SOX5: variants seen among roughly 807,000 people sequenced by gnomAD.
The protein encoded by SOX5 is transcription factor SOX-5.
In SOX5, 9 loss-of-function variants were observed where a neutral mutation model predicts 92.0. The observed-to-expected ratio is 0.10, with a 90% CI of 0.06 to 0.17. The LOEUF (loss-of-function observed/expected upper bound fraction) is 0.17, where lower values mean the gene tolerates loss of function less well. SOX5 is among the 10% of genes least tolerant of loss of function. The pLI, the probability that SOX5 is intolerant of heterozygous loss-of-function variation, is 1.00. For synonymous variants in SOX5, 344 were observed against 336.3 expected, an observed-to-expected ratio of 1.02 and a Z score of -0.25; for missense variants, 642 against 944.5, an observed-to-expected ratio of 0.68 and a Z score of 4.20.
At chr12:24,552,541 CTG>C (rs780891006) in intron 1 of SOX5, among the ~76,000 whole-genome samples, 19 of 152,336 alleles carry the variant, frequency 1.2e-4, no homozygotes, top group Non-Finnish European at 2.5e-4. Flanking sequence ...TTGAGAAACA[CTG>C]TTCTGTAATT....
At chr12:24,223,057 G>A (rs1003918124) in intron 3 of SOX5, among the ~76,000 whole-genome samples, 2 of 152,154 alleles carry the variant, frequency 1.3e-5, no homozygotes, top group Non-Finnish European at 1.5e-5. Context: ...TGGGTAATTC[G>A]AGGATTTCAA....
rs1265214097 is a variant in SOX5 at position 23,570,926 on chromosome 12, AAAAAATATATATATATATATATAT to A, written c.1342+4711_1342+4734del. ...ACTCCAACTCAAAAAAAAAAAAAAAAAAAAATATATATATATATATATATATATATATATATATATATATATATA... is the reference window on the plus strand; with the variant it reads ...ACTCCAACTCAAAAAAAAAAAAAAAAATATATATATATATATATATATATA... On this transcript the variant is annotated intron_variant, in intron 10 of 14. Transcript: ENST00000451604. 1.6e-3 allele frequency among the ~76,000 whole-genome samples: 66 copies of A among 41,544 alleles called. 7 individuals are homozygous for A. The highest frequency in any genetic ancestry group is 4.1e-3 in the South Asian group (4 of 980). 27.3% of individuals were successfully genotyped at this position (41,544 alleles called of 152,430 possible).
intron 6 of SOX5, among the ~76,000 whole-genome samples, chr12:23,715,292 C>CAAAAT (rs373690969): frequency 0.11 from 16,403 of 147,840 alleles, 1,144 homozygotes; most frequent in South Asian, 0.2. Flanking sequence ...GACTCCATCT[C>CAAAAT]AAAATAAAAT....
chr12:24,073,399 T>G (rs1483099460), intron 4 of SOX5, among the ~76,000 whole-genome samples: 1 of 152,184 alleles, frequency 6.6e-6, no homozygotes, highest in African/African-American at 2.4e-5. Context: ...CAATCTTGAC[T>G]CTAATCTTTA....
At chr12:23,776,777 C>A (rs138924222) in intron 3 of SOX5, among the ~76,000 whole-genome samples, 147 of 152,190 alleles carry the variant, frequency 9.7e-4, no homozygotes, top group African/African-American at 3.3e-3. Flanking sequence ...GAATCTAATG[C>A]TGCTGATGAT....
chr12:23,685,381 A>G (rs2087348471), intron 6 of SOX5, among the ~76,000 whole-genome samples: 1 of 151,108 alleles, frequency 6.6e-6, no homozygotes, highest in African/African-American at 2.5e-5. Flanking sequence ...AAACCAGAAA[A>G]GAGCTCAAAC....
At chr12:23,940,301 T>C (rs571224887) in intron 1 of SOX5, among the ~76,000 whole-genome samples, 1 of 151,358 alleles carries the variant, frequency 6.6e-6, no homozygotes, top group East Asian at 1.9e-4. Flanking sequence ...ATAAGAATTA[T>C]ACATGGTATT....
At chr12:24,370,439 C>G (rs1272237854) in intron 1 of SOX5, among the ~76,000 whole-genome samples, 1 of 140,960 alleles carries the variant, frequency 7.1e-6, no homozygotes, top group Non-Finnish European at 1.5e-5. Context: ...ACTGCGCCAC[C>G]GCACTCCAGC....
At position 23,660,487 on chromosome 12, in the gene SOX5, C is replaced by T. The variant is rs567924425; in HGVS notation, c.931+4957G>A. 3.3e-5 allele frequency among the ~76,000 whole-genome samples: 5 copies of T among 152,258 alleles called. No individual in the cohort carries two copies. The East Asian group carries it at 7.7e-4, about 24-fold the overall frequency. On this transcript the variant is annotated intron_variant, in intron 7 of 14. Transcript: ENST00000451604. ...CTCCTTCAAAGTACCTCTCTATTTG[C>T]AGTTGCCTATTTGAGATTGCATTAA...
chr12:24,209,540 TTAGG>T (rs1417902730), intron 4 of SOX5, among the ~76,000 whole-genome samples: 4 of 152,134 alleles, frequency 2.6e-5, no homozygotes, highest in Non-Finnish European at 5.9e-5. Flanking sequence ...CCTAGATAAC[TTAGG>T]TAGAGTTTTA....
At chr12:24,364,063 T>C (rs757521842) in intron 2 of SOX5, among the ~76,000 whole-genome samples, 33 of 152,158 alleles carry the variant, frequency 2.2e-4, no homozygotes, top group Admixed American at 5.9e-4. Flanking sequence ...TCTCTTTGAC[T>C]CCCAGTTAGA....
At chr12:24,423,810 C>T (rs146686974) in intron 1 of SOX5, among the ~76,000 whole-genome samples, 2 of 152,302 alleles carry the variant, frequency 1.3e-5, no homozygotes, top group African/African-American at 4.8e-5. Context: ...AATGGAATCA[C>T]TTCCGCAGTC....
chr12:24,049,946 CTT>C (rs1957400624), intron 4 of SOX5, among the ~76,000 whole-genome samples: 1 of 151,866 alleles, frequency 6.6e-6, no homozygotes, highest in Admixed American at 6.6e-5. Context: ...TCACAGGACT[CTT>C]GTTTTTCTAC....
At chr12:24,478,630 G>C (rs151161470) in intron 1 of SOX5, among the ~76,000 whole-genome samples, 1 of 152,264 alleles carries the variant, frequency 6.6e-6, no homozygotes, top group East Asian at 1.9e-4. Flanking sequence ...TGCTACAGTA[G>C]CATCCTTTTA....
chr12:23,574,030 T>C (rs1412418144), intron 10 of SOX5, among the ~76,000 whole-genome samples: 1 of 151,580 alleles, frequency 6.6e-6, no homozygotes, highest in Non-Finnish European at 1.5e-5. Flanking sequence ...CAGTTATCTA[T>C]CTATTAGTAT....
chr12:24,416,997 C>T (rs1291636860), intron 1 of SOX5, among the ~76,000 whole-genome samples: 1 of 152,180 alleles, frequency 6.6e-6, no homozygotes, highest in Non-Finnish European at 1.5e-5. Flanking sequence ...GGTGACTGCT[C>T]AGACCTTGGC....
At chr12:23,921,463 C>T (rs558729797) in intron 1 of SOX5, among the ~76,000 whole-genome samples, 1 of 151,606 alleles carries the variant, frequency 6.6e-6, no homozygotes, top group Non-Finnish European at 1.5e-5. Flanking sequence ...ATTTGGTATT[C>T]CAATGTTGGG....
chr12:24,469,440 TC>T (rs1944564156), intron 1 of SOX5, among the ~76,000 whole-genome samples: 1 of 152,212 alleles, frequency 6.6e-6, no homozygotes, highest in Non-Finnish European at 1.5e-5. Flanking sequence ...ATTTGGCTGC[TC>T]CTTTTTCTAC....
At chr12:23,863,228 T>C (rs1456596949) in intron 2 of SOX5, among the ~76,000 whole-genome samples, 1 of 152,216 alleles carries the variant, frequency 6.6e-6, no homozygotes. Context: ...ATTCTTTCCA[T>C]CTATATATGT....
Sources: allele counts gnomAD v4.1 joint callset (sites outside exome capture counted in the v4.1 genomes callset), GRCh38; gene constraint gnomAD v4.1.1; transcripts MANE v1.5; gene names NCBI Gene and HGNC (gene_info 2026-07-23, HGNC 2026-07-21).